COL1A2: variants seen among roughly 807,000 people sequenced by gnomAD.
The protein encoded by COL1A2 is collagen alpha-2(I) chain.
A neutral mutation model predicts 174.3 loss-of-function variants in COL1A2; 49 were observed. The observed-to-expected ratio is 0.28, with a 90% CI of 0.22 to 0.36. The LOEUF (loss-of-function observed/expected upper bound fraction) is 0.36, where lower values mean the gene tolerates loss of function less well. Among genes scored for constraint, COL1A2 ranks in the 10% least tolerant of loss-of-function variants. COL1A2 has a pLI of 1.00. For synonymous variants in COL1A2, 655 were observed against 606.6 expected (o/e 1.08, Z -1.17); for missense variants, 1,438 against 1,822.7 (o/e 0.79, Z 3.84).
At position 94,427,747 on chromosome 7, in the gene COL1A2, C is replaced by A. The variant is rs1440036750; in HGVS notation, c.3388C>A (p.Pro1130Thr). 6.2e-7 allele frequency: 1 copy of A among 1,614,074 alleles called. No homozygotes were observed. Among genetic ancestry groups the A allele is most frequent in the Non-Finnish European group, 8.5e-7 (1 of 1,180,018 alleles). Reference protein sequence around the residue: ...DQPRSAPSLRPKDYEVDATLK... With the variant: ...DQPRSAPSLRTKDYEVDATLK... Reference sequence around the variant, plus strand: ...GCCTCGCTCAGCACCTTCTCTCAGACCCAAGGACTATGAAGTTGATGCTAC... The same window carrying A: ...GCCTCGCTCAGCACCTTCTCTCAGAACCAAGGACTATGAAGTTGATGCTAC... The change falls in exon 49 of 52, where the codon CCC becomes ACC. Residue 1130 changes from proline (P) to threonine (T), a missense_variant. This residue lies in a region of COL1A2 where 290 missense variants were observed against 298.1 expected (regional missense o/e 0.97). Transcript: ENST00000297268.
Position 94,426,018 on chromosome 7 carries a change from T to C in COL1A2, c.2964T>C (p.Gly988=), listed in dbSNP as rs1429437522. The change falls in exon 45 of 52, where the codon GGT becomes GGC. Residue 988 remains glycine, a synonymous_variant. Coordinates refer to ENST00000297268, the MANE Select transcript of COL1A2 (RefSeq NM_000089.4). ...CACAGGGTCCTTCTGGTCCTGTTGG[T>C]CCTGCTGGTGCTGTTGGCCCAAGAG... ...RGETGPSGPV[G]PAGAVGPRGP... is the part of the protein sequence containing the mutation. 3.7e-6 allele frequency: 6 copies of C among 1,614,056 alleles called. No homozygotes were observed. Among genetic ancestry groups the C allele is most frequent in the African/African-American group, 1.3e-5 (1 of 74,928 alleles).
At chr7:94,404,525 C>G in intron 6 of COL1A2, 31 bp from the exon 7 acceptor site, 1 of 1,611,638 alleles carries the variant, frequency 6.2e-7, no homozygotes, top group South Asian at 1.1e-5. Context: ...CTTATCAGTG[C>G]TAACTGTTGA....
At chr7:94,415,579 AAT>A (rs1792023198) in intron 30 of COL1A2, among the ~76,000 whole-genome samples, 1 of 152,222 alleles carries the variant, frequency 6.6e-6, no homozygotes, top group Non-Finnish European at 1.5e-5. Context: ...AAGGAAAAAT[AAT>A]ATGTTACTAA....
chr7:94,411,191 G>C (rs182033131), intron 23 of COL1A2, 37 bp downstream of exon 23: 1 of 1,434,908 alleles, frequency 7.0e-7, no homozygotes, highest in Non-Finnish European at 9.6e-7. Flanking sequence ...ATCACACCTG[G>C]CATTACTTCC....
At chr7:94,417,943 C>T (rs1451825982) in intron 32 of COL1A2, 112 bp downstream of exon 32, 5 of 851,514 alleles carry the variant, frequency 5.9e-6, no homozygotes, top group Non-Finnish European at 9.7e-6. Flanking sequence ...ATTTTCATAT[C>T]TATCTATATA....
rs41316938 is a variant in COL1A2 at position 94,412,156 on chromosome 7, G to A, written c.1404+35G>A. On this transcript the variant is annotated intron_variant, in intron 24 of 51. Transcript: ENST00000297268. ...GCTCATTTTCCATTATATTTTCAAG[G>A]ACACTTATTGCACCCTTATCAAGTC... The A allele has an allele frequency of 1.4e-4, 213 of 1,564,000 alleles. 1 individual carries two copies. The East Asian group carries it at 4.1e-3, about 30-fold the overall frequency.
At chr7:94,406,162 G>A in intron 11 of COL1A2, 88 bp from the exon 12 acceptor site, 1 of 1,371,122 alleles carries the variant, frequency 7.3e-7, no homozygotes, top group Admixed American at 1.7e-5. Context: ...TTACCCAAGA[G>A]AGATTAATGG....
At position 94,422,954 on chromosome 7, in the gene COL1A2, T is replaced by C. The variant is rs1792197790; in HGVS notation, c.2404-3T>C. ...GGAAATGACCTTGTACATTTGCTCA[T>C]AGGGTATTTCTGGCCCTCCTGGTCC... On this transcript the variant is annotated splice_polypyrimidine_tract_variant and splice_region_variant and intron_variant, in intron 39 of 51. Coordinates refer to ENST00000297268, the MANE Select transcript of COL1A2 (RefSeq NM_000089.4). The C allele has an allele frequency of 1.2e-6, 2 of 1,614,134 alleles. No individual in the cohort carries two copies. Among genetic ancestry groups the C allele is most frequent in the South Asian group, 2.2e-5 (2 of 91,080 alleles).
At chr7:94,418,462 C>G (rs1399166151) in intron 32 of COL1A2, 37 bp from the exon 33 acceptor site, 1 of 1,603,508 alleles carries the variant, frequency 6.2e-7, no homozygotes, top group South Asian at 1.1e-5. Flanking sequence ...AAATTTTGGT[C>G]AGAAAACAAA....
chr7:94,421,534 C>A, intron 38 of COL1A2: 1 of 380,454 alleles, frequency 2.6e-6, no homozygotes, highest in Non-Finnish European at 4.8e-6. Flanking sequence ...CATTTCCTTA[C>A]CACTCAGCCA....
At chr7:94,427,159 C>T (rs370290112) in intron 47 of COL1A2, 29 bp from the exon 48 acceptor site, 1 of 1,606,888 alleles carries the variant, frequency 6.2e-7, no homozygotes, top group Non-Finnish European at 8.5e-7. Flanking sequence ...TTCACCAGCT[C>T]ACATGTACCT....
intron 1 of COL1A2, chr7:94,395,626 G>GC (rs1333137789): frequency 9.0e-6 from 2 of 222,598 alleles, no homozygotes; most frequent in African/African-American, 4.7e-5. Context: ...GTTATAAGGC[G>GC]CCCTCTGGAG....
intron 10 of COL1A2, 92 bp downstream of exon 10, chr7:94,405,344 G>A: frequency 8.0e-7 from 1 of 1,254,812 alleles, no homozygotes; most frequent in South Asian, 1.3e-5. Context: ...CAACATAGAT[G>A]TCACCCAAAC....
Position 94,413,885 on chromosome 7 carries a change from C to T in COL1A2, c.1612-9C>T, listed in dbSNP as rs1333653935. ...TTGCTATTTATGCTCTCTTTCCTGT[C>T]ACTTTCAGGGTGTTCAAGGTGGAAA... On this transcript the variant is annotated splice_polypyrimidine_tract_variant and intron_variant, in intron 27 of 51. Transcript: ENST00000297268. The T allele has an allele frequency of 1.2e-6, 2 of 1,613,902 alleles. No homozygotes were observed. The highest frequency in any genetic ancestry group is 8.5e-7 in the Non-Finnish European group (1 of 1,179,906).
At chr7:94,418,360 G>A (rs543079549) in intron 32 of COL1A2, 139 bp from the exon 33 acceptor site, 26 of 695,290 alleles carry the variant, frequency 3.7e-5, no homozygotes, top group South Asian at 3.7e-4. Flanking sequence ...AGAATGGTAA[G>A]GAATCGAGAC....
chr7:94,417,914 T>G (rs974767080), intron 32 of COL1A2, 83 bp downstream of exon 32: 5 of 1,128,004 alleles, frequency 4.4e-6, no homozygotes, highest in Non-Finnish European at 6.6e-6. Context: ...TCACAATTCT[T>G]GGCAGGTGGT....
intron 5 of COL1A2, among the ~76,000 whole-genome samples, chr7:94,400,652 T>A (rs1047437385): frequency 6.6e-6 from 1 of 152,206 alleles, no homozygotes; most frequent in Non-Finnish European, 1.5e-5. Flanking sequence ...TTTACAAACA[T>A]CCTACGCTTT....
chr7:94,403,852 A>G (rs1400080739), intron 6 of COL1A2, among the ~76,000 whole-genome samples: 1 of 152,196 alleles, frequency 6.6e-6, no homozygotes, highest in Non-Finnish European at 1.5e-5. Flanking sequence ...CAAACTATTA[A>G]CAGCCTGTTT....
At chr7:94,419,334 T>C in intron 33 of COL1A2, 164 bp from the exon 34 acceptor site, 1 of 754,122 alleles carries the variant, frequency 1.3e-6, no homozygotes, top group Non-Finnish European at 2.3e-6. Flanking sequence ...CTTCTAATAG[T>C]CTTGTTAATT....
Sources: allele counts gnomAD v4.1 joint callset (sites outside exome capture counted in the v4.1 genomes callset), GRCh38; gene constraint gnomAD v4.1.1; regional missense constraint gnomAD v4.1.1; transcripts MANE v1.5; gene names NCBI Gene and HGNC (gene_info 2026-07-23, HGNC 2026-07-21).